Variants in FAM13A observed in about 807,000 individuals in gnomAD.
The protein encoded by FAM13A is protein FAM13A.
FAM13A carries 76 observed loss-of-function variants against 129.6 expected under a neutral mutation model. The observed-to-expected ratio is 0.59, with a 90% confidence interval of 0.49 to 0.71. The LOEUF is 0.71. Among genes scored for constraint, FAM13A ranks in the 30% least tolerant of loss-of-function variants. The pLI is 0.00. For missense variants in FAM13A, 1,108 were observed against 1,249.3 expected (o/e 0.89, Z 1.70); for synonymous variants, 443 against 449.9 (o/e 0.98, Z 0.20).
chr4:88,851,364 C>G (rs1474415114), intron 6 of FAM13A, among the ~76,000 whole-genome samples, 181 bp from the exon 7 acceptor site: 1 of 151,490 alleles, frequency 6.6e-6, no homozygotes, highest in African/African-American at 2.4e-5. Context: ...TAGCAAAGGG[C>G]ACAGGGAAGG....
At chr4:89,054,298 G>GACACACACAC (rs57198448) in intron 1 of FAM13A, among the ~76,000 whole-genome samples, 49 of 149,934 alleles carry the variant, frequency 3.3e-4, no homozygotes, top group African/African-American at 1.1e-3. Flanking sequence ...GATACACACA[G>GACACACACAC]ACACACACAC....
intron 7 of FAM13A, among the ~76,000 whole-genome samples, chr4:88,815,893 A>C (rs1730628476): frequency 6.6e-6 from 1 of 152,124 alleles, no homozygotes; most frequent in East Asian, 1.9e-4. Flanking sequence ...TAGTGTATAA[A>C]CTACTCAGTG....
At chr4:88,889,074 G>A (rs1744933855) in intron 6 of FAM13A, among the ~76,000 whole-genome samples, 1 of 152,146 alleles carries the variant, frequency 6.6e-6, no homozygotes, top group African/African-American at 2.4e-5. Flanking sequence ...AGGGGTGAAG[G>A]CAGCAGCCAG....
intron 5 of FAM13A, among the ~76,000 whole-genome samples, chr4:88,913,125 A>AGG (rs1749380545): frequency 6.7e-6 from 1 of 148,442 alleles, no homozygotes; most frequent in Non-Finnish European, 1.5e-5. Flanking sequence ...GAGGAAGAAG[A>AGG]ACAGGAGGAA....
intron 1 of FAM13A, among the ~76,000 whole-genome samples, chr4:89,035,661 T>C (rs982075726): frequency 3.3e-5 from 5 of 152,170 alleles, no homozygotes; most frequent in African/African-American, 1.2e-4. Context: ...GATTGGATCA[T>C]GGGGGAGGAT....
intron 7 of FAM13A, among the ~76,000 whole-genome samples, chr4:88,823,530 A>C (rs1035518233): frequency 6.6e-6 from 1 of 152,186 alleles, no homozygotes; most frequent in African/African-American, 2.4e-5. Flanking sequence ...AGAGTCCTGT[A>C]CTTCTCAACA....
chr4:88,936,828 C>G (rs1316695708), intron 5 of FAM13A: 2 of 151,742 alleles, frequency 1.3e-5, no homozygotes, highest in Non-Finnish European at 2.9e-5. Flanking sequence ...CATTATAGGT[C>G]CTTTAATAGT....
rs1768424029 is a variant in FAM13A, at chr4:89,029,626, C to T, written c.51G>A (p.Leu17=). The change falls in exon 2 of 24, where the codon CTG becomes CTA. Residue 17 remains leucine, a synonymous_variant. Transcript: ENST00000264344. ...CCACTATCTTTTTCATGTCTTCTTT[C>T]AGCCGAACCGCTGCTTTACTTTGCT... ...AICQSKAAVR[L]KEDMKKIVAV... 1 of 1,581,814 alleles carries T rather than the reference C, an allele frequency of 6.3e-7. No homozygotes were observed. Among genetic ancestry groups the T allele is most frequent in the South Asian group, 1.2e-5 (1 of 85,114 alleles).
At chr4:88,793,598 AC>A (rs1323146833) in intron 8 of FAM13A, among the ~76,000 whole-genome samples, 1 of 151,954 alleles carries the variant, frequency 6.6e-6, no homozygotes, top group African/African-American at 2.4e-5. Context: ...AGTTGATTAG[AC>A]AAAATCACTG....
intron 4 of FAM13A, among the ~76,000 whole-genome samples, chr4:88,962,667 G>A (rs7671261): frequency 0.59 from 89,026 of 151,968 alleles, 26,371 homozygotes; most frequent in African/African-American, 0.68. Flanking sequence ...TAAACTGTGT[G>A]GACTTTAATT....
chr4:88,977,643 C>T (rs1761083659), intron 4 of FAM13A, among the ~76,000 whole-genome samples: 1 of 152,172 alleles, frequency 6.6e-6, no homozygotes, highest in African/African-American at 2.4e-5. Flanking sequence ...TACAATCAAG[C>T]AATTAGCTTG....
chr4:88,876,140 C>G (rs1387783870), intron 6 of FAM13A, among the ~76,000 whole-genome samples: 2 of 151,930 alleles, frequency 1.3e-5, no homozygotes, highest in Non-Finnish European at 2.9e-5. Context: ...AGGGCCTGTC[C>G]TGGGATGGGG....
intron 18 of FAM13A, 127 bp downstream of exon 18, chr4:88,747,504 G>A: frequency 2.6e-6 from 2 of 771,062 alleles, no homozygotes. Flanking sequence ...AGCTTCCCTA[G>A]ACACGTAACA....
chr4:89,000,963 C>T lies in FAM13A; in HGVS notation c.428-9813G>A, dbSNP rs1048773139. On this transcript the variant is annotated intron_variant, in intron 3 of 23. Transcript: ENST00000264344. The stretch of plus-strand genomic sequence containing the variant: ...ACATATGCACGCACACATGTGCACA[C>T]AATCATGTTTCAAGATGAGTTGTTC... Among the ~76,000 whole-genome samples the T allele has an allele frequency of 3.9e-5, 6 of 152,236 alleles. No individual in the cohort carries two copies. The South Asian group carries it at 1.2e-3, about 31-fold the overall frequency.
chr4:88,834,808 A>C (rs1734531991), intron 7 of FAM13A, among the ~76,000 whole-genome samples: 1 of 152,148 alleles, frequency 6.6e-6, no homozygotes, highest in African/African-American at 2.4e-5. Context: ...TGATACCTGA[A>C]TGAATACTTT....
At chr4:88,792,106 T>G (rs961052507) in intron 8 of FAM13A, among the ~76,000 whole-genome samples, 21 of 152,064 alleles carry the variant, frequency 1.4e-4, no homozygotes, top group African/African-American at 4.3e-4. Flanking sequence ...ACAAACACCC[T>G]AAGACTTACT....
chr4:88,896,591 C>G (rs1746378916), intron 6 of FAM13A, among the ~76,000 whole-genome samples: 1 of 152,180 alleles, frequency 6.6e-6, no homozygotes, highest in African/African-American at 2.4e-5. Flanking sequence ...GACATGTCAT[C>G]TCATTATTGA....
chr4:88,946,719 T>C (rs1380987476), intron 4 of FAM13A, among the ~76,000 whole-genome samples: 1 of 152,050 alleles, frequency 6.6e-6, no homozygotes, highest in Admixed American at 6.5e-5. Context: ...TATTTGATTT[T>C]AGTTGGTTTG....
chr4:88,926,924 A>G (rs1236150520), intron 5 of FAM13A, among the ~76,000 whole-genome samples: 2 of 152,130 alleles, frequency 1.3e-5, no homozygotes, highest in Admixed American at 1.3e-4. Flanking sequence ...TCTTACATGC[A>G]TATATTACAC....
Sources: gnomAD v4.1 joint callset for allele counts (sites outside exome capture counted in the v4.1 genomes callset) on GRCh38, gnomAD v4.1.1 for gene constraint, MANE v1.5 for transcripts, NCBI Gene and HGNC (gene_info 2026-07-23, HGNC 2026-07-21) for gene names.